Variants in LRMDA observed in about 807,000 individuals in gnomAD.
LRMDA encodes leucine-rich melanocyte differentiation-associated protein.
LRMDA carries 18 observed loss-of-function variants against 29.8 expected under a neutral mutation model. The observed-to-expected ratio is 0.60, with a 90% CI of 0.42 to 0.90. The LOEUF (loss-of-function observed/expected upper bound fraction) is 0.90. Among genes scored for constraint, LRMDA ranks in the 40% least tolerant of loss-of-function variants. The pLI is 0.00. For synonymous variants in LRMDA, 125 were observed against 109.4 expected (o/e 1.14, Z -0.89); for missense variants, 273 against 273.9 (o/e 1.00, Z 0.02).
chr10:76,270,930 C>T (rs1323760549), intron 5 of LRMDA: 1 of 152,230 alleles, frequency 6.6e-6, no homozygotes, highest in Non-Finnish European at 1.5e-5. Context: ...CCTGTTTAAT[C>T]AGTGGTAAGG....
At chr10:76,329,843 GT>G (rs919660049) in intron 6 of LRMDA, among the ~76,000 whole-genome samples, 1 of 152,050 alleles carries the variant, frequency 6.6e-6, no homozygotes, top group South Asian at 2.1e-4. Flanking sequence ...GAAAAACTGT[GT>G]TTTTTTAAAT....
chr10:76,002,456 C>T (rs1847577932), intron 2 of LRMDA, among the ~76,000 whole-genome samples: 2 of 152,156 alleles, frequency 1.3e-5, no homozygotes, highest in South Asian at 2.1e-4. Flanking sequence ...ACATCCCAGG[C>T]CCACCACTTT....
chr10:76,159,866 G>C (rs11001644), intron 5 of LRMDA, among the ~76,000 whole-genome samples: 5,343 of 152,202 alleles, frequency 0.035, 291 homozygotes, highest in African/African-American at 0.12. Context: ...TGGTTGTCAG[G>C]TGTTATGGGG....
intron 5 of LRMDA, among the ~76,000 whole-genome samples, chr10:76,138,202 T>A (rs1437904865): frequency 1.3e-5 from 2 of 152,122 alleles, no homozygotes; most frequent in Non-Finnish European, 2.9e-5. Context: ...GCAGCAACTT[T>A]TTCCCCCCAG....
intron 2 of LRMDA, among the ~76,000 whole-genome samples, chr10:75,578,562 G>A (rs9416076): frequency 0.6 from 91,834 of 151,844 alleles, 31,116 homozygotes; most frequent in East Asian, 0.85. Flanking sequence ...ATAGACATCT[G>A]CAGAACTCTC....
intron 6 of LRMDA, among the ~76,000 whole-genome samples, chr10:76,437,017 T>C (rs1428438640): frequency 6.6e-6 from 1 of 152,136 alleles, no homozygotes; most frequent in Non-Finnish European, 1.5e-5. Flanking sequence ...GTGCAGAGCT[T>C]TTGGTTCCAG....
At chr10:75,782,917 G>A in intron 2 of LRMDA, 1 of 1,610,510 alleles carries the variant, frequency 6.2e-7, no homozygotes, top group Non-Finnish European at 8.5e-7. Flanking sequence ...TGCCAACAGT[G>A]GCATCTGCTC....
intron 2 of LRMDA, among the ~76,000 whole-genome samples, chr10:75,717,682 A>C (rs555223750): frequency 5.9e-5 from 9 of 152,164 alleles, no homozygotes; most frequent in Non-Finnish European, 1.3e-4. Context: ...GTCCCTGCAC[A>C]AGCTGCAGTT....
intron 2 of LRMDA, among the ~76,000 whole-genome samples, chr10:75,705,225 A>C (rs1189773709): frequency 6.6e-6 from 1 of 152,190 alleles, no homozygotes; most frequent in Non-Finnish European, 1.5e-5. Context: ...TCAAAGTATC[A>C]GCAATGGTGT....
intron 6 of LRMDA, among the ~76,000 whole-genome samples, chr10:76,400,167 CA>C (rs937981501): frequency 5.9e-5 from 9 of 152,340 alleles, no homozygotes; most frequent in African/African-American, 2.2e-4. Context: ...CACACGGCAG[CA>C]GCAGAGGGTG....
rs141593597 is a variant in LRMDA at position 75,718,258 on chromosome 10, G to A, written c.131+279764G>A. ...GTGGAGACTCTGCTTCATCCTGCAG[G>A]TCTGTGGGTTGGTTGAGCTGTTCTC... On this transcript the variant is annotated intron_variant, in intron 2 of 6. Transcript: ENST00000611255. Among the ~76,000 whole-genome samples the A allele has an allele frequency of 1.2e-3, 190 of 152,318 alleles. 2 individuals are homozygous for A. Among genetic ancestry groups the A allele is most frequent in the Admixed American group, 8.8e-3 (134 of 15,306 alleles).
At chr10:76,238,292 CGCAGGCAATT>C (rs1852198608) in intron 5 of LRMDA, among the ~76,000 whole-genome samples, 1 of 152,016 alleles carries the variant, frequency 6.6e-6, no homozygotes, top group Non-Finnish European at 1.5e-5. Flanking sequence ...AGCCTAATGA[CGCAGGCAATT>C]TGGTCCTCTA....
At position 76,558,733 on chromosome 10, in the gene LRMDA, A is replaced by C. The variant is rs1436429776; in HGVS notation, c.*1445A>C. 2 of 152,198 alleles carry C rather than the reference A, an allele frequency of 1.3e-5. No individual in the cohort carries two copies. Among genetic ancestry groups the C allele is most frequent in the Non-Finnish European group, 2.9e-5 (2 of 68,034 alleles). 9.4% of individuals were successfully genotyped at this position (152,198 alleles called of 1,614,324 possible). A position where few individuals can be genotyped will look rare whatever the true frequency, so the allele number is the denominator to read the frequency against. On this transcript the variant is annotated 3_prime_UTR_variant, in exon 7 of 7. Transcript: ENST00000611255. ...GGACTCAGAATCCCTAAGCTGCCCAAGGAGAACCTACTTTCTCAGCTCTAG... is the reference window on the plus strand; with the variant it reads ...GGACTCAGAATCCCTAAGCTGCCCACGGAGAACCTACTTTCTCAGCTCTAG...
At chr10:76,253,760 T>C (rs1308614443) in intron 5 of LRMDA, among the ~76,000 whole-genome samples, 1 of 152,208 alleles carries the variant, frequency 6.6e-6, no homozygotes, top group African/African-American at 2.4e-5. Context: ...AGTAACATTG[T>C]TTCCATGAGC....
chr10:76,323,410 G>A (rs1161467044), intron 5 of LRMDA, among the ~76,000 whole-genome samples: 1 of 152,078 alleles, frequency 6.6e-6, no homozygotes, highest in Non-Finnish European at 1.5e-5. Context: ...AAAGAAAAAT[G>A]TAGCATTAAT....
intron 2 of LRMDA, among the ~76,000 whole-genome samples, chr10:75,620,664 T>C (rs1373114366): frequency 6.6e-6 from 1 of 152,216 alleles, no homozygotes; most frequent in Admixed American, 6.5e-5. Context: ...TTTGACTTGC[T>C]TTTCAAGACC....
chr10:75,485,651 C>T (rs754456519), intron 2 of LRMDA, among the ~76,000 whole-genome samples: 3 of 152,084 alleles, frequency 2.0e-5, no homozygotes, highest in Non-Finnish European at 2.9e-5. Flanking sequence ...GATCTCAGTG[C>T]ACCGCAACCT....
rs147764703 is a variant in LRMDA at position 75,457,863 on chromosome 10, A to T, written c.131+19369A>T. The stretch of plus-strand genomic sequence containing the variant: ...CACTTTAAATCACTAACACTACATA[A>T]CTCTAATGCATTACTGCCATTTTTT... On this transcript the variant is annotated intron_variant, in intron 2 of 6. Coordinates refer to ENST00000611255, the MANE Select transcript of LRMDA (RefSeq NM_001305581.2). Among the ~76,000 whole-genome samples the T allele has an allele frequency of 7.2e-5, 11 of 151,932 alleles. No homozygotes were observed. In the East Asian group the frequency reaches 1.9e-3, roughly 27 times the overall value.
At chr10:76,117,846 T>C (rs1396136732) in intron 5 of LRMDA, among the ~76,000 whole-genome samples, 6 of 152,120 alleles carry the variant, frequency 3.9e-5, no homozygotes, top group Non-Finnish European at 7.4e-5. Flanking sequence ...GGTGAAGTGG[T>C]GATATGTTTT....
Sources: allele counts gnomAD v4.1 joint callset (sites outside exome capture counted in the v4.1 genomes callset), GRCh38; gene constraint gnomAD v4.1.1; transcripts MANE v1.5; gene names NCBI Gene and HGNC (gene_info 2026-07-23, HGNC 2026-07-21).